FZD3: variants seen among roughly 807,000 people sequenced by gnomAD.
FZD3 encodes the protein frizzled-3.
FZD3 carries 30 observed loss-of-function variants against 60.7 expected under a neutral mutation model. The ratio of observed to expected loss-of-function variants is 0.49; its 90% CI spans 0.37 to 0.67. The LOEUF (loss-of-function observed/expected upper bound fraction) is 0.67. FZD3 is among the 30% of genes least tolerant of loss of function. The pLI is 0.00. For synonymous variants in FZD3, 246 were observed against 275.2 expected, an observed-to-expected ratio of 0.89 and a Z score of 1.05; for missense variants, 605 against 838.7, an observed-to-expected ratio of 0.72 and a Z score of 3.44.
Position 28,572,859 on chromosome 8 carries a change from G to A in FZD3, c.*9848G>A, listed in dbSNP as rs1423639659. 1.3e-5 allele frequency: 2 copies of A among 152,016 alleles called. No individual in the cohort carries two copies. Among genetic ancestry groups the A allele is most frequent in the South Asian group, 2.1e-4 (1 of 4,826 alleles). The allele number at this position is 152,016 out of a possible 1,614,324, so 9.4% of individuals were successfully genotyped here. ...ATAAAAAATATGAAACTCCTACACAGGAAATCCCCAATTTTGTGATTTAAT... is the reference window on the plus strand; with the variant it reads ...ATAAAAAATATGAAACTCCTACACAAGAAATCCCCAATTTTGTGATTTAAT... On this transcript the variant is annotated 3_prime_UTR_variant, in exon 8 of 8. Transcript: ENST00000240093.
chr8:28,551,668 T>C lies in FZD3; in HGVS notation c.1470T>C (p.Val490=). ...TGAAATACCTGATGGCTCTCATAGTTGGCATTCCCTCTGTATTTTGGGTTG... is the reference window on the plus strand; with the variant it reads ...TGAAATACCTGATGGCTCTCATAGTCGGCATTCCCTCTGTATTTTGGGTTG... The part of the protein sequence containing the change: ...FLMKYLMALI[V]GIPSVFWVGS... The change falls in exon 6 of 8, where the codon GTT becomes GTC. Residue 490 remains valine (V), a synonymous_variant. Coordinates refer to ENST00000240093, the MANE Select transcript of FZD3 (RefSeq NM_017412.4). The C allele has an allele frequency of 6.2e-7, 1 of 1,611,868 alleles. No individual in the cohort carries two copies.
chr8:28,530,236 T>A (rs531901552), intron 5 of FZD3, among the ~76,000 whole-genome samples: 1 of 152,112 alleles, frequency 6.6e-6, no homozygotes, highest in South Asian at 2.1e-4. Context: ...AACTGTAAGC[T>A]GGAGTAGGAG....
intron 6 of FZD3, 136 bp downstream of exon 6, chr8:28,551,887 G>A: frequency 1.4e-6 from 1 of 705,960 alleles, no homozygotes; most frequent in South Asian, 2.0e-5. Flanking sequence ...ATCCAGTTAT[G>A]ATTGGCACAG....
chr8:28,501,445 A>G (rs1015063722), intron 2 of FZD3, among the ~76,000 whole-genome samples: 2 of 152,196 alleles, frequency 1.3e-5, no homozygotes, highest in African/African-American at 4.8e-5. Context: ...CATAGGTGCT[A>G]GTATTTAAGT....
chr8:28,557,789 T>C (rs1349248178), intron 7 of FZD3, among the ~76,000 whole-genome samples: 2 of 152,210 alleles, frequency 1.3e-5, no homozygotes, highest in Non-Finnish European at 2.9e-5. Flanking sequence ...TTGTTCCACT[T>C]AGCACTCCTA....
intron 5 of FZD3, among the ~76,000 whole-genome samples, chr8:28,543,898 A>C (rs1433164879): frequency 1.3e-5 from 2 of 152,156 alleles, no homozygotes; most frequent in East Asian, 3.9e-4. Flanking sequence ...GAATTTACCT[A>C]TTCCAACTCC....
chr8:28,548,430 T>C (rs1474578418), intron 5 of FZD3, among the ~76,000 whole-genome samples: 1 of 152,052 alleles, frequency 6.6e-6, no homozygotes, highest in Non-Finnish European at 1.5e-5. Context: ...CCTCCCTAAG[T>C]GCTGGGACTA....
At chr8:28,521,608 T>C (rs1261750775) in intron 4 of FZD3, among the ~76,000 whole-genome samples, 1 of 152,132 alleles carries the variant, frequency 6.6e-6, no homozygotes, top group Non-Finnish European at 1.5e-5. Flanking sequence ...TTATCTTCTT[T>C]CCCCCCAAGG....
In FZD3 at chr8:28,502,970, T is replaced by C; in HGVS notation, c.-44T>C. The C allele has an allele frequency of 1.5e-6, 2 of 1,320,320 alleles. No individual in the cohort carries two copies. The highest frequency in any genetic ancestry group is 2.7e-5 in the South Asian group (2 of 75,328). 81.8% of individuals were successfully genotyped at this position (1,320,320 alleles called of 1,614,324 possible). On this transcript the variant is annotated 5_prime_UTR_variant, in exon 3 of 8. Transcript: ENST00000240093. The stretch of plus-strand genomic sequence containing the variant: ...GGTGTATAAATATCTAAAATACATA[T>C]TGAATAGGCCTGATCATCTGAATCT...
chr8:28,528,201 A>T (rs1162989493), intron 5 of FZD3, 37 bp downstream of exon 5: 1 of 1,479,356 alleles, frequency 6.8e-7, no homozygotes, highest in East Asian at 2.3e-5. Flanking sequence ...AGAATATATG[A>T]TAATGAAACA....
chr8:28,498,175 CT>C (rs1490103607), intron 1 of FZD3, among the ~76,000 whole-genome samples: 1 of 152,218 alleles, frequency 6.6e-6, no homozygotes, highest in African/African-American at 2.4e-5. Context: ...GAATGTGTCT[CT>C]TTTCCCATAC....
chr8:28,565,301 G>A lies in FZD3; in HGVS notation c.*2290G>A, dbSNP rs984034136. Reference sequence around the variant, plus strand: ...TGGAGTTAATGCTCAAAGCAGGCAGGTCTGAATTCCCTCATAACCGACAAT... The same window carrying A: ...TGGAGTTAATGCTCAAAGCAGGCAGATCTGAATTCCCTCATAACCGACAAT... On this transcript the variant is annotated 3_prime_UTR_variant, in exon 8 of 8. Transcript: ENST00000240093. 4 of 152,134 alleles carry A rather than the reference G, an allele frequency of 2.6e-5. No individual in the cohort carries two copies. Among genetic ancestry groups the A allele is most frequent in the African/African-American group, 9.7e-5 (4 of 41,436 alleles). The allele number at this position is 152,134 out of a possible 1,614,324, so 9.4% of individuals were successfully genotyped here.
At position 28,528,036 on chromosome 8, in the gene FZD3, A is replaced by G. The variant is rs1384651001; in HGVS notation, c.1276A>G (p.Ile426Val). Reference protein sequence around the residue: ...KFMIRIGVFSILYLVPLLVVI... With the variant: ...KFMIRIGVFSVLYLVPLLVVI... ...TATGATCCGGATCGGTGTTTTCAGC[A>G]TTCTTTATCTCGTACCACTCTTGGT... is the stretch of plus-strand genomic sequence containing the variant. The change falls in exon 5 of 8, where the codon ATT becomes GTT. Residue 426 changes from isoleucine (I) to valine (V), a missense_variant. By Grantham distance (29) the Ile-to-Val change is conservative. Transcript: ENST00000240093. 1.2e-6 allele frequency: 2 copies of G among 1,614,018 alleles called. No homozygotes were observed. The highest frequency in any genetic ancestry group is 1.7e-6 in the Non-Finnish European group (2 of 1,179,908).
At chr8:28,522,774 T>C (rs1487522848) in intron 4 of FZD3, among the ~76,000 whole-genome samples, 1 of 141,822 alleles carries the variant, frequency 7.1e-6, no homozygotes, top group African/African-American at 2.6e-5. Flanking sequence ...TTTCTTTTTT[T>C]TTTTTTTTTT....
At chr8:28,542,263 A>T (rs371716824) in intron 5 of FZD3, among the ~76,000 whole-genome samples, 122 of 152,106 alleles carry the variant, frequency 8.0e-4, no homozygotes, top group African/African-American at 2.3e-3. Context: ...TGTCAGGATT[A>T]TTGTTATTGC....
intron 3 of FZD3, 92 bp downstream of exon 3, chr8:28,503,294 G>A: frequency 6.2e-6 from 4 of 645,960 alleles, no homozygotes; most frequent in South Asian, 2.6e-5. Context: ...ATAAACAACA[G>A]GAAAATAATA....
In FZD3 at chr8:28,551,683, A is replaced by G. The variant is rs376178388; in HGVS notation, c.1485A>G (p.Val495=). ...LMALIVGIPS[V]FWVGSKKTCF... ...CTCTCATAGTTGGCATTCCCTCTGT[A>G]TTTTGGGTTGGAAGCAAAAAGACAT... The change falls in exon 6 of 8, where the codon GTA becomes GTG. Residue 495 remains valine, a synonymous_variant. Coordinates refer to ENST00000240093, the MANE Select transcript of FZD3 (RefSeq NM_017412.4). 8 of 1,612,652 alleles carry G rather than the reference A, an allele frequency of 5.0e-6. No homozygotes were observed.
At chr8:28,551,533 G>T in intron 5 of FZD3, 70 bp from the exon 6 acceptor site, 3 of 1,179,846 alleles carry the variant, frequency 2.5e-6, no homozygotes, top group South Asian at 1.4e-5. Flanking sequence ...AAAAGAAAAA[G>T]ATTTCATAAT....
intron 1 of FZD3, among the ~76,000 whole-genome samples, chr8:28,499,569 T>C (rs1480872671): frequency 6.6e-6 from 1 of 152,158 alleles, no homozygotes; most frequent in Non-Finnish European, 1.5e-5. Context: ...TTTTAAGGGC[T>C]TTTGATATAA....
Sources: gnomAD v4.1 joint callset for allele counts (sites outside exome capture counted in the v4.1 genomes callset) on GRCh38, gnomAD v4.1.1 for gene constraint, MANE v1.5 for transcripts, NCBI Gene and HGNC (gene_info 2026-07-23, HGNC 2026-07-21) for gene names.